Variants in HERC1 observed in about 807,000 individuals in gnomAD.
The protein encoded by HERC1 is probable E3 ubiquitin-protein ligase HERC1.
In HERC1, 160 loss-of-function variants were observed where a neutral mutation model predicts 554.3. The observed-to-expected ratio is 0.29, with a 90% confidence interval of 0.25 to 0.33. The LOEUF is 0.33. Among genes scored for constraint, HERC1 ranks in the 10% least tolerant of loss-of-function variants. The pLI is 1.00. For synonymous variants in HERC1, 2,175 were observed against 2,131.7 expected (o/e 1.02, Z -0.56); for missense variants, 4,919 against 5,918.5 (o/e 0.83, Z 5.54).
At chr15:63,658,899 A>G (rs1428708193) in intron 47 of HERC1, among the ~76,000 whole-genome samples, 181 bp from the exon 48 acceptor site, 3 of 152,228 alleles carry the variant, frequency 2.0e-5, no homozygotes, top group Admixed American at 6.5e-5. Flanking sequence ...TTGAACTTGG[A>G]TATTTCTAAC....
At chr15:63,773,075 T>A (rs961971257) in intron 2 of HERC1, among the ~76,000 whole-genome samples, 6 of 152,206 alleles carry the variant, frequency 3.9e-5, no homozygotes, top group Admixed American at 2.0e-4. Context: ...ATATCATTTA[T>A]AAGTGACATT....
At chr15:63,789,177 G>A (rs2076552741) in intron 1 of HERC1, among the ~76,000 whole-genome samples, 1 of 120,256 alleles carries the variant, frequency 8.3e-6, no homozygotes, top group Non-Finnish European at 1.6e-5. Context: ...TGCAAGCTCC[G>A]CCTCCCGGGT....
chr15:63,651,765 G>A (rs1487545834), intron 52 of HERC1, among the ~76,000 whole-genome samples: 3 of 152,206 alleles, frequency 2.0e-5, no homozygotes, highest in African/African-American at 2.4e-5. Flanking sequence ...GCGGCTGGGC[G>A]TAGTGGCTCA....
intron 74 of HERC1, among the ~76,000 whole-genome samples, chr15:63,619,047 TGA>T (rs577177896): frequency 0.033 from 4,951 of 152,240 alleles, 259 homozygotes; most frequent in African/African-American, 0.11. Flanking sequence ...ATAGGAGTGG[TGA>T]GAGAGGGCAT....
At position 63,680,452 on chromosome 15, in the gene HERC1, A is replaced by T; in HGVS notation, c.6465+85T>A. On this transcript the variant is annotated intron_variant, in intron 35 of 77. Transcript: ENST00000443617. This position sits in a 1 kb window ranked among gnomAD's most constrained non-coding sequence, Gnocchi z 5.8. ...AAGGAGAGACGAGCAGATAATCTAT[A>T]AACTGAATACGTGGCACTTGAATAA... is the stretch of plus-strand genomic sequence containing the variant. 7.2e-7 allele frequency: 1 copy of T among 1,392,236 alleles called. No individual in the cohort carries two copies. The highest frequency in any genetic ancestry group is 9.8e-7 in the Non-Finnish European group (1 of 1,025,328). The allele number at this position is 1,392,236 out of a possible 1,614,324, so 86.2% of individuals were successfully genotyped here.
chr15:63,753,110 A>G (rs771120176), intron 7 of HERC1, 25 bp from the exon 8 acceptor site: 2 of 1,535,680 alleles, frequency 1.3e-6, no homozygotes, highest in Non-Finnish European at 1.8e-6. Flanking sequence ...ACATTAAACA[A>G]TTTACTTGTT....
intron 47 of HERC1, 136 bp downstream of exon 47, chr15:63,659,600 A>G (rs2070245176): frequency 1.5e-6 from 1 of 688,220 alleles, no homozygotes; most frequent in Non-Finnish European, 2.4e-6. Flanking sequence ...ACAACTGGCT[A>G]AAGAGACTTG....
intron 7 of HERC1, 87 bp downstream of exon 7, chr15:63,754,418 C>A: frequency 1.1e-6 from 1 of 948,674 alleles, no homozygotes; most frequent in East Asian, 2.7e-5. Context: ...TTGAGTCATT[C>A]TACACTAGGC....
rs377667959 is a variant in HERC1 at position 63,671,789 on chromosome 15, C to A, written c.8045+707G>T. Among the ~76,000 whole-genome samples the A allele has an allele frequency of 1.2e-3, 183 of 152,242 alleles. 1 individual carries two copies. The highest frequency in any genetic ancestry group is 4.3e-3 in the African/African-American group (180 of 41,548). The stretch of plus-strand genomic sequence containing the variant: ...GTCTACACAGTGAAAATCGTAATGC[C>A]TTCTTAACTAAGGAAAGAGGGGAAA... On this transcript the variant is annotated intron_variant, in intron 39 of 77. Transcript: ENST00000443617.
intron 11 of HERC1, 144 bp downstream of exon 11, chr15:63,747,580 C>T (rs573532612): frequency 3.1e-5 from 15 of 486,762 alleles, no homozygotes; most frequent in African/African-American, 2.9e-4. Flanking sequence ...TAGCTCTTTT[C>T]TAGATTATAA....
At chr15:63,640,094 G>T in intron 61 of HERC1, 58 bp downstream of exon 61, 1 of 1,516,982 alleles carries the variant, frequency 6.6e-7, no homozygotes, top group Non-Finnish European at 9.1e-7. Context: ...TCTGCTACAT[G>T]CCCAATACCC....
chr15:63,643,228 T>C (rs1445167072), intron 58 of HERC1, among the ~76,000 whole-genome samples, 170 bp from the exon 59 acceptor site: 1 of 152,214 alleles, frequency 6.6e-6, no homozygotes, highest in East Asian at 1.9e-4. Context: ...CAGCTGATTT[T>C]AAAAACACTT....
chr15:63,616,666 A>G lies in HERC1; in HGVS notation c.13705T>C (p.Ser4569Pro). Reference sequence around the variant, plus strand: ...ATTAAGTGTTCATCGAGGCAGGCAGAAGGGTTAAAAAGGAACCTGTAAAAT... The same window carrying G: ...ATTAAGTGTTCATCGAGGCAGGCAGGAGGGTTAAAAAGGAACCTGTAAAAT... ...YNRDRFLFNP[S>P]ACLDEHLMQF... The change falls in exon 75 of 78, where the codon TCT becomes CCT. Residue 4569 changes from serine (S) to proline (P), a missense_variant. Coordinates refer to ENST00000443617, the MANE Select transcript of HERC1 (RefSeq NM_003922.4). 6.2e-7 allele frequency: 1 copy of G among 1,613,266 alleles called. No homozygotes were observed. Among genetic ancestry groups the G allele is most frequent in the Non-Finnish European group, 8.5e-7 (1 of 1,179,578 alleles).
chr15:63,720,598 T>C (rs989171562), intron 19 of HERC1, among the ~76,000 whole-genome samples: 5 of 152,198 alleles, frequency 3.3e-5, no homozygotes, highest in African/African-American at 1.2e-4. Flanking sequence ...TTCAGACTTA[T>C]CCTGCTTTAT....
chr15:63,619,072 C>T (rs997086595), intron 74 of HERC1, among the ~76,000 whole-genome samples: 1 of 152,122 alleles, frequency 6.6e-6, no homozygotes, highest in African/African-American at 2.4e-5. Flanking sequence ...CTCTCTTGTG[C>T]CAGTTTTCAA....
chr15:63,732,697 C>A (rs1000509636), intron 14 of HERC1, among the ~76,000 whole-genome samples: 1 of 152,164 alleles, frequency 6.6e-6, no homozygotes, highest in Admixed American at 6.5e-5. Context: ...TATTATTCTA[C>A]AATATCAGAA....
At chr15:63,797,782 T>C (rs1448251322) in intron 1 of HERC1, among the ~76,000 whole-genome samples, 1 of 152,258 alleles carries the variant, frequency 6.6e-6, no homozygotes, top group Non-Finnish European at 1.5e-5. Context: ...AAATGTTTAC[T>C]GTATACCTAT....
rs78614236 is a variant in HERC1, at chr15:63,737,493, T to C, written c.2521-2644A>G. 4.4e-3 allele frequency among the ~76,000 whole-genome samples: 363 copies of C among 83,076 alleles called. 62 individuals carry two copies. The highest frequency in any genetic ancestry group is 0.016 in the African/African-American group (329 of 21,184). 54.5% of individuals were successfully genotyped at this position (83,076 alleles called of 152,430 possible). On this transcript the variant is annotated intron_variant, in intron 12 of 77. Coordinates refer to ENST00000443617, the MANE Select transcript of HERC1 (RefSeq NM_003922.4). ...TATCTTTTTTCCAGATATATATATA[T>C]ACATATATATATCTTTTTTCCAGAT...
At chr15:63,783,033 G>T (rs1181076650) in intron 1 of HERC1, among the ~76,000 whole-genome samples, 1 of 152,198 alleles carries the variant, frequency 6.6e-6, no homozygotes, top group Admixed American at 6.5e-5. Context: ...TGAAATGAAA[G>T]ATATTCCTGG....
Sources: allele counts gnomAD v4.1 joint callset (sites outside exome capture counted in the v4.1 genomes callset), GRCh38; gene constraint gnomAD v4.1.1; non-coding constraint Gnocchi (gnomAD v3.1); transcripts MANE v1.5; gene names NCBI Gene and HGNC (gene_info 2026-07-23, HGNC 2026-07-21).